Variants in TPO observed in about 807,000 individuals in gnomAD.
TPO encodes thyroid peroxidase.
In TPO, 78 loss-of-function variants were observed where a neutral mutation model predicts 96.9. That is an observed-to-expected ratio of 0.81 (90% confidence interval 0.67 to 0.97). The LOEUF is 0.97. TPO is among the 50% of genes least tolerant of loss of function. The pLI, the probability that TPO is intolerant of heterozygous loss-of-function variation, is 0.00. For synonymous variants in TPO, 547 were observed against 538.0 expected (o/e 1.02, Z -0.23); for missense variants, 1,252 against 1,274.8 (o/e 0.98, Z 0.27).
At chr2:1,493,216 G>C (rs13405477) in intron 10 of TPO, among the ~76,000 whole-genome samples, 4,413 of 118,838 alleles carry the variant, frequency 0.037, 517 homozygotes, top group African/African-American at 0.13. Context: ...GGGTGGGGGG[G>C]GGGGTGCTGG....
At chr2:1,484,538 G>A (rs1017235467) in intron 8 of TPO, 58 bp from the exon 9 acceptor site, 54 of 1,611,530 alleles carry the variant, frequency 3.4e-5, no homozygotes, top group African/African-American at 8.0e-5. Flanking sequence ...ACTGCCGCTC[G>A]AGGCGACCCT....
Position 1,496,046 on chromosome 2 carries a change from G to C in TPO, c.2064G>C (p.Lys688Asn). The part of the protein sequence containing the change: ...FTDAQRRELE[K>N]HSLSRVICDN... ...ATGCACAGAGGCGTGAGCTGGAGAAGCACTCCCTGTCTCGGGTCATCTGTG... is the reference window on the plus strand; with the variant it reads ...ATGCACAGAGGCGTGAGCTGGAGAACCACTCCCTGTCTCGGGTCATCTGTG... Residue 688 changes from lysine (K) to asparagine (N), a missense_variant, in exon 12 of 17, where the codon AAG (lysine) becomes AAC (asparagine). By Grantham distance (94) the Lys-to-Asn change is moderately conservative (BLOSUM62 0). Transcript: ENST00000329066. 1 of 1,613,884 alleles carries C rather than the reference G, an allele frequency of 6.2e-7. No homozygotes were observed. The highest frequency in any genetic ancestry group is 8.5e-7 in the Non-Finnish European group (1 of 1,180,028).
At chr2:1,540,379 CTAAAA>C (rs1680592856) in intron 15 of TPO, among the ~76,000 whole-genome samples, 1 of 151,990 alleles carries the variant, frequency 6.6e-6, no homozygotes, top group African/African-American at 2.4e-5. Flanking sequence ...GCTGCAAATT[CTAAAA>C]TCATTTTTCC....
At chr2:1,432,849 G>A (rs577078409) in intron 3 of TPO, among the ~76,000 whole-genome samples, 1 of 151,916 alleles carries the variant, frequency 6.6e-6, no homozygotes, top group East Asian at 2.0e-4. Context: ...TGCAGGTGAG[G>A]GGAGGCCCCA....
chr2:1,495,235 CCT>C, intron 11 of TPO, among the ~76,000 whole-genome samples: 1 of 152,270 alleles, frequency 6.6e-6, no homozygotes, highest in Middle Eastern at 3.4e-3. Context: ...TATAGTGGGG[CCT>C]CTTTTTCATG....
chr2:1,498,193 G>A (rs917665487), intron 13 of TPO, among the ~76,000 whole-genome samples: 10 of 152,172 alleles, frequency 6.6e-5, no homozygotes, highest in African/African-American at 2.4e-4. Flanking sequence ...GGTTGCAGTG[G>A]TCAACTGCTT....
rs757126114 is a variant in TPO, at chr2:1,540,816, AT to A, written c.2748+96del. On this transcript the variant is annotated intron_variant, in intron 16 of 16. Transcript: ENST00000329066. ...GCAGCTCTGCTGGGGCTCCCTGCAT[AT>A]TTCTGTTTACTCCGTGTTTCCTAGT... 5.2e-4 allele frequency: 841 copies of A among 1,604,014 alleles called. 1 individual carries two copies. Among genetic ancestry groups the A allele is most frequent in the Middle Eastern group, 2.8e-3 (17 of 6,046 alleles).
chr2:1,494,151 T>C, intron 11 of TPO, 112 bp downstream of exon 11: 1 of 1,087,024 alleles, frequency 9.2e-7, no homozygotes, highest in Non-Finnish European at 1.4e-6. Context: ...ACCATTCAAC[T>C]CTTACGTAAG....
chr2:1,438,902 C>A, intron 5 of TPO: 1 of 711,446 alleles, frequency 1.4e-6, no homozygotes, highest in Non-Finnish European at 2.6e-6. Flanking sequence ...CCAAATAATG[C>A]GAAACTGAAG....
intron 13 of TPO, among the ~76,000 whole-genome samples, chr2:1,502,221 A>G (rs1249023911): frequency 6.6e-6 from 1 of 152,072 alleles, no homozygotes; most frequent in African/African-American, 2.4e-5. Context: ...GGGATGCAGG[A>G]GGGGCTGGTT....
chr2:1,520,644 C>T (rs576138241), intron 15 of TPO, among the ~76,000 whole-genome samples: 1 of 152,246 alleles, frequency 6.6e-6, no homozygotes, highest in Admixed American at 6.5e-5. Context: ...GAAACCAACT[C>T]CTCCATCAAC....
At chr2:1,407,319 T>C (rs903762148) in intron 1 of TPO, among the ~76,000 whole-genome samples, 2 of 152,182 alleles carry the variant, frequency 1.3e-5, no homozygotes, top group Admixed American at 1.3e-4. Context: ...AGTTTGTTAC[T>C]GGCAGTTGTG....
At chr2:1,387,263 G>C (rs1221059758) in intron 1 of TPO, among the ~76,000 whole-genome samples, 1 of 152,138 alleles carries the variant, frequency 6.6e-6, no homozygotes, top group Non-Finnish European at 1.5e-5. Flanking sequence ...GGCCTGCCTT[G>C]CTAGGTTGGG....
intron 1 of TPO, among the ~76,000 whole-genome samples, chr2:1,395,926 C>T (rs900962013): frequency 6.6e-6 from 1 of 152,228 alleles, no homozygotes; most frequent in Admixed American, 6.5e-5. Flanking sequence ...CCATGTGGAA[C>T]TGTGAGTCCA....
intron 1 of TPO, among the ~76,000 whole-genome samples, chr2:1,387,377 T>C (rs1010174254): frequency 6.6e-6 from 1 of 152,228 alleles, no homozygotes; most frequent in African/African-American, 2.4e-5. Flanking sequence ...TCTTTTCACA[T>C]AGTCCCATAT....
At position 1,540,632 on chromosome 2, in the gene TPO, A is replaced by G. The variant is rs748107678; in HGVS notation, c.2657A>G (p.Glu886Gly). 14 of 1,613,468 alleles carry G rather than the reference A, an allele frequency of 8.7e-6. No individual in the cohort carries two copies. Among genetic ancestry groups the G allele is most frequent in the Admixed American group, 3.3e-5 (2 of 60,002 alleles). The change falls in exon 16 of 17, where the codon GAG (glutamate) becomes GGG (glycine). Residue 886 changes from glutamate to glycine, a missense_variant. By Grantham distance (98) the Glu-to-Gly change is moderately conservative. Transcript: ENST00000329066. Reference sequence around the variant, plus strand: ...ACTAAATCCACACTGCCCATCTCGGAGACAGGCGGAGGAACTCCCGAGCTG... The same window carrying G: ...ACTAAATCCACACTGCCCATCTCGGGGACAGGCGGAGGAACTCCCGAGCTG... Reference protein sequence around the residue: ...TGTKSTLPISETGGGTPELRC... With the variant: ...TGTKSTLPISGTGGGTPELRC...
intron 1 of TPO, among the ~76,000 whole-genome samples, chr2:1,393,206 A>G (rs1662030534): frequency 6.6e-6 from 1 of 152,192 alleles, no homozygotes; most frequent in Non-Finnish European, 1.5e-5. Flanking sequence ...AGGTGGGAGC[A>G]GGAGGAAGAG....
At chr2:1,414,209 G>A (rs9326166) in intron 1 of TPO, among the ~76,000 whole-genome samples, 199 bp from the exon 2 acceptor site, 52,461 of 151,756 alleles carry the variant, frequency 0.35, 9,986 homozygotes, top group East Asian at 0.52. Flanking sequence ...GGCCTGCTCA[G>A]CGCTGCAGTT....
At chr2:1,392,188 A>T (rs948072715) in intron 1 of TPO, among the ~76,000 whole-genome samples, 2 of 152,144 alleles carry the variant, frequency 1.3e-5, no homozygotes, top group African/African-American at 4.8e-5. Flanking sequence ...ATCAATACCC[A>T]GTTTATTGAG....
Sources: allele counts gnomAD v4.1 joint callset (sites outside exome capture counted in the v4.1 genomes callset), GRCh38; gene constraint gnomAD v4.1.1; transcripts MANE v1.5; gene names NCBI Gene and HGNC (gene_info 2026-07-23, HGNC 2026-07-21).